The following CHLSN variants were observed in gnomAD, a reference collection of about 807,000 sequenced individuals.
The protein encoded by CHLSN is protein cholesin.
the CHLSN span, among the ~76,000 whole-genome samples, chr7:1,064,876 C>T: frequency 6.6e-6 from 1 of 152,354 alleles, no homozygotes; most frequent in East Asian, 1.9e-4. Flanking sequence ...CAGAAGGCCC[C>T]AGGAGGGAGG....
chr7:979,036 G>A, the CHLSN span, among the ~76,000 whole-genome samples: 9 of 152,206 alleles, frequency 5.9e-5, no homozygotes, highest in Admixed American at 3.9e-4. Flanking sequence ...CCACAGCATG[G>A]CGGCTGGGTC....
At chr7:1,034,583 A>G in the CHLSN span, among the ~76,000 whole-genome samples, 2 of 152,232 alleles carry the variant, frequency 1.3e-5, no homozygotes, top group African/African-American at 4.8e-5. Flanking sequence ...CAGTGAACCC[A>G]GGAGGTGCCC....
chr7:1,014,663 G>A, the CHLSN span, among the ~76,000 whole-genome samples: 1 of 152,408 alleles, frequency 6.6e-6, no homozygotes, highest in South Asian at 2.1e-4. Context: ...AAGCCAGCCT[G>A]GCACTGGCTC....
At chr7:1,100,919 C>T in the CHLSN span, among the ~76,000 whole-genome samples, 2 of 152,236 alleles carry the variant, frequency 1.3e-5, no homozygotes, top group African/African-American at 2.4e-5. Flanking sequence ...AGGCCACAGA[C>T]GCAGGCACAG....
the CHLSN span, chr7:1,024,852 A>T: frequency 4.3e-4 from 65 of 152,404 alleles, no homozygotes; most frequent in African/African-American, 1.5e-3. Context: ...TTTCACAGGT[A>T]TCCATTCCCC....
At chr7:1,103,783 T>C in the CHLSN span, among the ~76,000 whole-genome samples, 1 of 152,224 alleles carries the variant, frequency 6.6e-6, no homozygotes, top group Non-Finnish European at 1.5e-5. Flanking sequence ...GAGACGGGTC[T>C]GCGGTTGTCC....
chr7:1,063,430 C>T, the CHLSN span, among the ~76,000 whole-genome samples: 1 of 152,218 alleles, frequency 6.6e-6, no homozygotes, highest in Non-Finnish European at 1.5e-5. Context: ...GGGTGTGCGT[C>T]ATTTTCCCGT....
At chr7:995,931 G>C in the CHLSN span, among the ~76,000 whole-genome samples, 1 of 152,234 alleles carries the variant, frequency 6.6e-6, no homozygotes, top group African/African-American at 2.4e-5. Flanking sequence ...CCTTCCCACA[G>C]CTTGGTGGGT....
At chr7:1,117,057 C>T in the CHLSN span, among the ~76,000 whole-genome samples, 8 of 113,828 alleles carry the variant, frequency 7.0e-5, no homozygotes, top group East Asian at 6.0e-4. Flanking sequence ...ATCACCGACG[C>T]CCACGCAGGA....
the CHLSN span, among the ~76,000 whole-genome samples, chr7:1,022,025 C>T: frequency 6.6e-6 from 1 of 152,314 alleles, no homozygotes; most frequent in Non-Finnish European, 1.5e-5. Flanking sequence ...GGCCCACAGG[C>T]GTGGCGCCTG....
At chr7:990,566 G>A in the CHLSN span, among the ~76,000 whole-genome samples, 1 of 152,066 alleles carries the variant, frequency 6.6e-6, no homozygotes, top group Non-Finnish European at 1.5e-5. Flanking sequence ...ACACACGGGT[G>A]CACGGCAGGC....
At chr7:1,028,542 G>A in the CHLSN span, 1 of 985,110 alleles carries the variant, frequency 1.0e-6, no homozygotes, top group Non-Finnish European at 1.2e-6. Flanking sequence ...CCTCCGACGA[G>A]GCTCTCTGGC....
the CHLSN span, among the ~76,000 whole-genome samples, chr7:1,079,389 A>G: frequency 3.9e-5 from 6 of 152,214 alleles, no homozygotes; most frequent in Admixed American, 6.5e-5. Flanking sequence ...TTTTGCACAG[A>G]AACAGTGACG....
the CHLSN span, among the ~76,000 whole-genome samples, chr7:1,020,600 G>C: frequency 6.6e-6 from 1 of 152,218 alleles, no homozygotes; most frequent in African/African-American, 2.4e-5. Context: ...GTCTCACACA[G>C]CTAAGACCAA....
the CHLSN span, chr7:984,290 C>A: frequency 7.5e-7 from 1 of 1,328,574 alleles, no homozygotes; most frequent in Non-Finnish European, 1.0e-6. Flanking sequence ...AGGCGTGCCC[C>A]CTCCACCTGC....
the CHLSN span, among the ~76,000 whole-genome samples, chr7:991,606 C>CG: frequency 6.6e-6 from 1 of 152,336 alleles, no homozygotes; most frequent in Non-Finnish European, 1.5e-5. Flanking sequence ...AGGCACGTCC[C>CG]GGGGGCTTGC....
chr7:1,014,682 G>A, the CHLSN span, among the ~76,000 whole-genome samples: 2 of 152,278 alleles, frequency 1.3e-5, no homozygotes, highest in African/African-American at 4.8e-5. Flanking sequence ...TCTGGCACCA[G>A]GTCCCTGGAC....
At chr7:1,074,711 C>G in the CHLSN span, 5 of 152,366 alleles carry the variant, frequency 3.3e-5, no homozygotes, top group Admixed American at 1.3e-4. Flanking sequence ...TGAGGTCGCG[C>G]AGGTGTCCAA....
the CHLSN span, among the ~76,000 whole-genome samples, chr7:1,016,768 GCGCA>G: frequency 9.6e-5 from 8 of 83,050 alleles, no homozygotes; most frequent in African/African-American, 1.4e-4. Flanking sequence ...CCAGCGCACA[GCGCA>G]CAGCAGCGCA....
Sources: allele counts gnomAD v4.1 joint callset (sites outside exome capture counted in the v4.1 genomes callset), GRCh38; gene constraint gnomAD v4.1.1; transcripts MANE v1.5; gene names NCBI Gene and HGNC (gene_info 2026-07-23, HGNC 2026-07-21).